Variants in OVOL1 observed in about 807,000 individuals in gnomAD.
The protein encoded by OVOL1 is ovo like transcriptional repressor 1.
In OVOL1, 10 loss-of-function variants were observed where a neutral mutation model predicts 21.5. That is an observed-to-expected ratio of 0.46 (90% confidence interval 0.29 to 0.79). OVOL1 has a LOEUF of 0.79. OVOL1 is among the 30% of genes least tolerant of loss of function. The pLI, the probability that OVOL1 is intolerant of heterozygous loss-of-function variation, is 0.10. For synonymous variants in OVOL1, 129 were observed against 150.3 expected (o/e 0.86, Z 1.03); for missense variants, 279 against 362.3 (o/e 0.77, Z 1.87).
rs1000762070 is a variant in OVOL1 at position 65,796,733 on chromosome 11, A to T, written c.*1392A>T. 6.6e-6 allele frequency: 1 copy of T among 152,194 alleles called. No individual in the cohort carries two copies. Among genetic ancestry groups the T allele is most frequent in the Non-Finnish European group, 1.5e-5 (1 of 68,126 alleles). The allele number at this position is 152,194 out of a possible 1,614,324, so 9.4% of individuals were successfully genotyped here. A position where few individuals can be genotyped will look rare whatever the true frequency, so the allele number is the denominator to read the frequency against. Reference sequence around the variant, plus strand: ...AGCTGGGAAAGGGGTTCTGGGTGTAAAGAGGTGTGCGTCTTGTGGGCCAAA... The same window carrying T: ...AGCTGGGAAAGGGGTTCTGGGTGTATAGAGGTGTGCGTCTTGTGGGCCAAA... On this transcript the variant is annotated 3_prime_UTR_variant, in exon 4 of 4. Transcript: ENST00000335987.
intron 1 of OVOL1, among the ~76,000 whole-genome samples, chr11:65,791,371 G>C (rs1047114436): frequency 2.0e-5 from 3 of 152,254 alleles, no homozygotes; most frequent in Admixed American, 2.0e-4. Context: ...CTCACCTTCA[G>C]AACTGGGCTG....
At chr11:65,787,510 C>T in intron 1 of OVOL1, 37 bp downstream of exon 1, 7 of 1,274,200 alleles carry the variant, frequency 5.5e-6, no homozygotes, top group Non-Finnish European at 7.3e-6. Flanking sequence ...GGGGCACCCG[C>T]GGCGGCGTCG....
chr11:65,787,566 C>G (rs898801223), intron 1 of OVOL1, 93 bp downstream of exon 1: 1 of 650,404 alleles, frequency 1.5e-6, no homozygotes, highest in African/African-American at 2.0e-5. Flanking sequence ...AGCCAGGCGG[C>G]AGGCGCGGTG....
rs1305638398 is a variant in OVOL1 at position 65,787,361 on chromosome 11, C to G, written c.-13C>G. On this transcript the variant is annotated 5_prime_UTR_variant, in exon 1 of 4. Coordinates refer to ENST00000335987, the MANE Select transcript of OVOL1 (RefSeq NM_004561.4). The stretch of plus-strand genomic sequence containing the variant: ...TACGGAAGCGGCCCGTGTCCAGCGA[C>G]GAGGGTTCGAAAATGCCCCGCGCGT... The G allele has an allele frequency of 1.3e-6, 2 of 1,569,756 alleles. No individual in the cohort carries two copies. The highest frequency in any genetic ancestry group is 8.6e-7 in the Non-Finnish European group (1 of 1,157,758).
intron 1 of OVOL1, chr11:65,789,089 GTTATTT>G: frequency 3.0e-6 from 3 of 984,312 alleles, no homozygotes; most frequent in Non-Finnish European, 3.6e-6. Context: ...TCAGTGTGCT[GTTATTT>G]TTAGTTTTAT....
chr11:65,787,571 G>A, intron 1 of OVOL1, 98 bp downstream of exon 1: 3 of 521,782 alleles, frequency 5.7e-6, no homozygotes, highest in Middle Eastern at 8.3e-4. Flanking sequence ...GGCGGCAGGC[G>A]CGGTGTGGGC....
rs556576940 is a variant in OVOL1 at position 65,787,260 on chromosome 11, G to A, written c.-114G>A. The A allele has an allele frequency of 1.3e-4, 103 of 820,510 alleles. No individual in the cohort carries two copies. The African/African-American group carries it at 1.8e-3, about 14-fold the overall frequency. The allele number at this position is 820,510 out of a possible 1,614,324, so 50.8% of individuals were successfully genotyped here. On this transcript the variant is annotated 5_prime_UTR_variant, in exon 1 of 4. Coordinates refer to ENST00000335987, the MANE Select transcript of OVOL1 (RefSeq NM_004561.4). ...CCCCGGAACGTGGGGGCGCCTTAGC[G>A]ACTCCTTCCCTGTTGTGCCCCCGTT...
chr11:65,794,535 C>G lies in OVOL1; in HGVS notation c.319-3C>G. The G allele has an allele frequency of 6.2e-7, 1 of 1,611,986 alleles. No homozygotes were observed. The highest frequency in any genetic ancestry group is 8.5e-7 in the Non-Finnish European group (1 of 1,178,926). On this transcript the variant is annotated splice_polypyrimidine_tract_variant and splice_region_variant and intron_variant, in intron 2 of 3. Transcript: ENST00000335987. ...CTGTCAGCAATGCCGTCCTCACCCA[C>G]AGGTGACCCTTGGGGACAGTCCCAG...
chr11:65,795,317 G>A lies in OVOL1; in HGVS notation c.780G>A (p.Leu260=), dbSNP rs1300745507. The A allele has an allele frequency of 6.2e-7, 1 of 1,607,276 alleles. No individual in the cohort carries two copies. The highest frequency in any genetic ancestry group is 1.7e-5 in the Admixed American group (1 of 59,250). The change falls in exon 4 of 4, where the codon CTG becomes CTA. Residue 260 remains leucine, a synonymous_variant. Transcript: ENST00000335987. This position sits in a 1 kb window ranked among gnomAD's most constrained non-coding sequence, Gnocchi z 5.7. ...AVALQNTVTS[L]LQGSPHL is the part of the protein sequence containing the mutation. ...CACTACAGAACACTGTCACTTCCCT[G>A]CTGCAGGGCAGCCCCCACCTGTGAG...
In OVOL1 at chr11:65,787,428, T is replaced by C. The variant is rs141205219; in HGVS notation, c.55T>C (p.Trp19Arg). Residue 19 changes from tryptophan to arginine, a missense_variant, in exon 1 of 4, where the codon TGG becomes CGG. Coordinates refer to ENST00000335987, the MANE Select transcript of OVOL1 (RefSeq NM_004561.4). ...KPCVSTCKRN[W>R]SELPDEERGE... Reference sequence around the variant, plus strand: ...GTGCGTCTCCACGTGCAAGAGGAACTGGAGCGAGCTCCCCGACGAGGAGCG... The same window carrying C: ...GTGCGTCTCCACGTGCAAGAGGAACCGGAGCGAGCTCCCCGACGAGGAGCG... The C allele has an allele frequency of 1.5e-5, 24 of 1,588,386 alleles. No individual in the cohort carries two copies. Among genetic ancestry groups the C allele is most frequent in the Non-Finnish European group, 2.0e-5 (23 of 1,166,838 alleles).
chr11:65,790,094 C>T (rs1857985229), intron 1 of OVOL1: 1 of 122,520 alleles, frequency 8.2e-6, no homozygotes, highest in African/African-American at 3.1e-5. Context: ...TCAATATTGA[C>T]TTGGAGTGAC....
rs1182487554 is a variant in OVOL1 at position 65,787,165 on chromosome 11, C to T, written c.-209C>T. 8.7e-6 allele frequency: 4 copies of T among 459,184 alleles called. No homozygotes were observed. The highest frequency in any genetic ancestry group is 1.6e-5 in the Non-Finnish European group (4 of 247,034). 28.4% of individuals were successfully genotyped at this position (459,184 alleles called of 1,614,324 possible). A position where few individuals can be genotyped will look rare whatever the true frequency, so the allele number is the denominator to read the frequency against. Reference sequence around the variant, plus strand: ...CCCGGTGCACCTGGCCGCAAGGGACCTCGTTCTCAGGGAAGACGGCGACAT... The same window carrying T: ...CCCGGTGCACCTGGCCGCAAGGGACTTCGTTCTCAGGGAAGACGGCGACAT... On this transcript the variant is annotated 5_prime_UTR_variant, in exon 1 of 4. Coordinates refer to ENST00000335987, the MANE Select transcript of OVOL1 (RefSeq NM_004561.4).
chr11:65,788,985 C>T (rs757433119), intron 1 of OVOL1: 79 of 985,454 alleles, frequency 8.0e-5, no homozygotes, highest in Non-Finnish European at 9.0e-5. Context: ...GCCCTCCACC[C>T]TCACCTGTGT....
rs1370765042 is a variant in OVOL1 at position 65,787,358 on chromosome 11, C to A, written c.-16C>A. On this transcript the variant is annotated 5_prime_UTR_variant, in exon 1 of 4. Transcript: ENST00000335987. ...AGTTACGGAAGCGGCCCGTGTCCAGCGACGAGGGTTCGAAAATGCCCCGCG... is the reference window on the plus strand; with the variant it reads ...AGTTACGGAAGCGGCCCGTGTCCAGAGACGAGGGTTCGAAAATGCCCCGCG... The A allele has an allele frequency of 5.1e-6, 8 of 1,563,656 alleles. No homozygotes were observed. The highest frequency in any genetic ancestry group is 4.1e-5 in the African/African-American group (3 of 73,152).
At chr11:65,790,051 C>CG (rs1857982130) in intron 1 of OVOL1, 1 of 149,102 alleles carries the variant, frequency 6.7e-6, no homozygotes, top group Non-Finnish European at 1.5e-5. Flanking sequence ...ACCCACCCCC[C>CG]CAACCACCCT....
intron 1 of OVOL1, chr11:65,792,580 A>T (rs1317356805): frequency 6.6e-6 from 1 of 152,230 alleles, no homozygotes; most frequent in Non-Finnish European, 1.5e-5. Flanking sequence ...TGACACTCAG[A>T]CTCAGAGAAA....
At chr11:65,793,014 G>A (rs1422220552) in intron 1 of OVOL1, among the ~76,000 whole-genome samples, 1 of 152,222 alleles carries the variant, frequency 6.6e-6, no homozygotes, top group Non-Finnish European at 1.5e-5. Context: ...TTTGGTCATA[G>A]GCCCCTCGTG....
intron 2 of OVOL1, 126 bp downstream of exon 2, chr11:65,794,374 A>G: frequency 3.6e-6 from 4 of 1,114,210 alleles, no homozygotes; most frequent in South Asian, 1.4e-5. Flanking sequence ...AGGTTTCTGC[A>G]GAGGAGTGCC....
chr11:65,788,820 G>A, intron 1 of OVOL1: 1 of 985,468 alleles, frequency 1.0e-6, no homozygotes, highest in Non-Finnish European at 1.2e-6. Flanking sequence ...AGGGAAGTGA[G>A]TGGCCTCCCC....
Sources: gnomAD v4.1 joint callset for allele counts (sites outside exome capture counted in the v4.1 genomes callset) on GRCh38, gnomAD v4.1.1 for gene constraint, Gnocchi (gnomAD v3.1) non-coding constraint, MANE v1.5 for transcripts, NCBI Gene and HGNC (gene_info 2026-07-23, HGNC 2026-07-21) for gene names.